Variants in SLC6A6 observed in about 807,000 individuals in gnomAD.
SLC6A6 encodes sodium- and chloride-dependent taurine transporter.
SLC6A6 carries 16 observed loss-of-function variants against 68.8 expected under a neutral mutation model. That is an observed-to-expected ratio of 0.23 (90% CI 0.16 to 0.35). The LOEUF is 0.35. SLC6A6 is among the 10% of genes least tolerant of loss of function. The pLI is 1.00. For missense variants in SLC6A6, 474 were observed against 802.8 expected (o/e 0.59, Z 4.95); for synonymous variants, 312 against 315.4 (o/e 0.99, Z 0.12).
At position 14,413,596 on chromosome 3, in the gene SLC6A6, T is replaced by C. The variant is rs549752925; in HGVS notation, c.-53-2816T>C. On this transcript the variant is annotated intron_variant, in intron 1 of 14. Coordinates refer to ENST00000622186, the MANE Select transcript of SLC6A6 (RefSeq NM_003043.6). ...CACCCCAGACCTTCTCATTTAGACC[T>C]TGGGGGCAGGGCTCCGCATTCTGGG... 1.7e-3 allele frequency among the ~76,000 whole-genome samples: 266 copies of C among 152,288 alleles called. 1 individual carries two copies. The highest frequency in any genetic ancestry group is 0.014 in the Middle Eastern group (4 of 294).
chr3:14,418,668 C>T (rs1026137645), intron 2 of SLC6A6, among the ~76,000 whole-genome samples: 7 of 152,180 alleles, frequency 4.6e-5, no homozygotes, highest in Non-Finnish European at 1.0e-4. Flanking sequence ...AGTGGGTGTG[C>T]TCTTACTCTT....
intron 6 of SLC6A6, among the ~76,000 whole-genome samples, chr3:14,464,055 C>G (rs1700558115): frequency 6.6e-6 from 1 of 152,220 alleles, no homozygotes; most frequent in African/African-American, 2.4e-5. Context: ...CCCACAGCCT[C>G]TCTACCCCTC....
chr3:14,484,843 C>G (rs746296858), intron 14 of SLC6A6, 24 bp from the exon 15 acceptor site: 9 of 1,608,726 alleles, frequency 5.6e-6, no homozygotes, highest in East Asian at 2.2e-5. Flanking sequence ...CGTTTCCCCC[C>G]TCACTCCTGT....
rs553582271 is a variant in SLC6A6, at chr3:14,447,858, G to A, written c.599+42G>A. 1,858 of 1,609,554 alleles carry A rather than the reference G, an allele frequency of 1.2e-3. 32 individuals are homozygous for A. In the South Asian group the frequency reaches 0.019, roughly 17 times the overall value. On this transcript the variant is annotated intron_variant, in intron 5 of 14. Coordinates refer to ENST00000622186, the MANE Select transcript of SLC6A6 (RefSeq NM_003043.6). Reference sequence around the variant, plus strand: ...GAAGCAAGGAGGAGGACATGGGTGGGGCAGAGAGGATGGCCCACTTCCTTA... The same window carrying A: ...GAAGCAAGGAGGAGGACATGGGTGGAGCAGAGAGGATGGCCCACTTCCTTA...
At chr3:14,417,019 A>AT (rs779621717) in intron 2 of SLC6A6, among the ~76,000 whole-genome samples, 14 of 152,222 alleles carry the variant, frequency 9.2e-5, no homozygotes, top group East Asian at 5.8e-4. Context: ...TTATTTTTGT[A>AT]TTTTTTGGAG....
At position 14,450,501 on chromosome 3, in the gene SLC6A6, C is replaced by G. The variant is rs1296232808; in HGVS notation, c.599+2685C>G. 6.6e-6 allele frequency among the ~76,000 whole-genome samples: 1 copy of G among 152,206 alleles called. No individual in the cohort carries two copies. Among genetic ancestry groups the G allele is most frequent in the South Asian group, 2.1e-4 (1 of 4,834 alleles). On this transcript the variant is annotated intron_variant, in intron 5 of 14. Transcript: ENST00000622186. The surrounding 1 kb of genome is among the most constrained non-coding windows in gnomAD (Gnocchi z 4.1). Reference sequence around the variant, plus strand: ...TTGGTACTCACCTCCCACTCCAGCTCTCACACCTCTCCTACCCCTGCACCC... The same window carrying G: ...TTGGTACTCACCTCCCACTCCAGCTGTCACACCTCTCCTACCCCTGCACCC...
At chr3:14,409,506 G>A (rs1474282057) in intron 1 of SLC6A6, among the ~76,000 whole-genome samples, 1 of 152,266 alleles carries the variant, frequency 6.6e-6, no homozygotes, top group Non-Finnish European at 1.5e-5. Flanking sequence ...AAGGAGCGCT[G>A]GACCCAGAGT....
At position 14,472,411 on chromosome 3, in the gene SLC6A6, C is replaced by T. The variant is rs1700772695; in HGVS notation, c.1209+94C>T. 15 of 761,730 alleles carry T rather than the reference C, an allele frequency of 2.0e-5. No individual in the cohort carries two copies. In the South Asian group the frequency reaches 2.3e-4, roughly 12 times the overall value. 47.2% of individuals were successfully genotyped at this position (761,730 alleles called of 1,614,324 possible). On this transcript the variant is annotated intron_variant, in intron 10 of 14. Coordinates refer to ENST00000622186, the MANE Select transcript of SLC6A6 (RefSeq NM_003043.6). This position sits in a 1 kb window ranked among gnomAD's most constrained non-coding sequence, Gnocchi z 4.5. ...TTCCACCTGGGAGGTGGTCAACCCC[C>T]TTCCCCCCTCCAGTCAGACTTCCAG... is the stretch of plus-strand genomic sequence containing the variant.
chr3:14,474,595 T>C (rs968304037), intron 10 of SLC6A6, among the ~76,000 whole-genome samples: 8 of 152,218 alleles, frequency 5.3e-5, no homozygotes, highest in Non-Finnish European at 2.9e-5. Flanking sequence ...AGCTGCAGTG[T>C]TGCAATGCCT....
At chr3:14,461,797 C>A (rs1227746396) in intron 6 of SLC6A6, among the ~76,000 whole-genome samples, 1 of 152,202 alleles carries the variant, frequency 6.6e-6, no homozygotes, top group Non-Finnish European at 1.5e-5. Flanking sequence ...CGCTGAGGAT[C>A]CTTAGGGCCT....
intron 5 of SLC6A6, among the ~76,000 whole-genome samples, chr3:14,453,920 T>G (rs1040923716): frequency 2.6e-5 from 4 of 152,158 alleles, no homozygotes; most frequent in African/African-American, 7.2e-5. Flanking sequence ...ATGGCCCAGA[T>G]AGCAGCTAGG....
chr3:14,463,513 C>T (rs532664182), intron 6 of SLC6A6, among the ~76,000 whole-genome samples: 20 of 152,344 alleles, frequency 1.3e-4, no homozygotes, highest in South Asian at 6.2e-4. Context: ...TTGAAGTGGC[C>T]GCCCTCTGGA....
chr3:14,408,957 C>T (rs1699172318), intron 1 of SLC6A6, among the ~76,000 whole-genome samples: 1 of 152,146 alleles, frequency 6.6e-6, no homozygotes, highest in Non-Finnish European at 1.5e-5. Context: ...CAGGCACCCG[C>T]TACCACGCCC....
chr3:14,468,274 G>A lies in SLC6A6; in HGVS notation c.1096+62G>A. ...CCACCTAGTGTGTAAGCCAAGTACT[G>A]CAGGCATGAAGCCAGACCCCAGGGG... is the stretch of plus-strand genomic sequence containing the variant. On this transcript the variant is annotated intron_variant, in intron 9 of 14. Coordinates refer to ENST00000622186, the MANE Select transcript of SLC6A6 (RefSeq NM_003043.6). The surrounding 1 kb of genome is among the most constrained non-coding windows in gnomAD (Gnocchi z 4.5). 3.3e-6 allele frequency: 5 copies of A among 1,513,910 alleles called. No individual in the cohort carries two copies. The highest frequency in any genetic ancestry group is 3.6e-6 in the Non-Finnish European group (4 of 1,115,086). The allele number at this position is 1,513,910 out of a possible 1,614,324, so 93.8% of individuals were successfully genotyped here. A position where few individuals can be genotyped will look rare whatever the true frequency, so the allele number is the denominator to read the frequency against.
intron 4 of SLC6A6, 142 bp from the exon 5 acceptor site, chr3:14,447,440 C>T (rs1265261330): frequency 2.1e-6 from 2 of 970,918 alleles, no homozygotes. Flanking sequence ...ATCCATTCAC[C>T]CTATAAATAT....
chr3:14,409,716 G>A (rs1287016969), intron 1 of SLC6A6, among the ~76,000 whole-genome samples: 6 of 152,242 alleles, frequency 3.9e-5, no homozygotes, highest in Non-Finnish European at 4.4e-5. Flanking sequence ...GGCAGGCCAA[G>A]GATCCAGTCT....
At chr3:14,403,464 TC>T (rs1368111810) in intron 1 of SLC6A6, among the ~76,000 whole-genome samples, 1 of 152,156 alleles carries the variant, frequency 6.6e-6, no homozygotes, top group Non-Finnish European at 1.5e-5. Flanking sequence ...CACTCGTGTG[TC>T]CTCGGCTGTA....
chr3:14,456,220 C>A (rs1416005778), intron 5 of SLC6A6, among the ~76,000 whole-genome samples: 1 of 152,218 alleles, frequency 6.6e-6, no homozygotes. Context: ...GCTTTTATTT[C>A]GTCCATCAGC....
chr3:14,458,815 A>G (rs899595946), intron 6 of SLC6A6, among the ~76,000 whole-genome samples: 3 of 152,264 alleles, frequency 2.0e-5, no homozygotes, highest in Admixed American at 6.5e-5. Context: ...TAACCAAAGT[A>G]TTATTCATAA....
Sources: allele counts gnomAD v4.1 joint callset (sites outside exome capture counted in the v4.1 genomes callset), GRCh38; gene constraint gnomAD v4.1.1; non-coding constraint Gnocchi (gnomAD v3.1); transcripts MANE v1.5; gene names NCBI Gene and HGNC (gene_info 2026-07-23, HGNC 2026-07-21).